Variants in DCDC2B observed in about 807,000 individuals in gnomAD.
The protein encoded by DCDC2B is doublecortin domain-containing protein 2B.
Under a neutral mutation model 38.9 loss-of-function variants are expected in DCDC2B, and 41 were observed. That is an observed-to-expected ratio of 1.05 (90% confidence interval 0.82 to 1.37). DCDC2B has a LOEUF of 1.37. DCDC2B is among the 40% of genes most tolerant of loss of function. DCDC2B has a pLI of 0.00. For missense variants in DCDC2B, 453 were observed against 427.2 expected, an observed-to-expected ratio of 1.06 and a Z score of -0.53; for synonymous variants, 181 against 171.9, an observed-to-expected ratio of 1.05 and a Z score of -0.41.
Position 32,215,470 on chromosome 1 carries a change from G to A in DCDC2B, c.881G>A (p.Arg294Gln), listed in dbSNP as rs375062766. 9.3e-6 allele frequency: 15 copies of A among 1,613,320 alleles called. No individual in the cohort carries two copies. Among genetic ancestry groups the A allele is most frequent in the African/African-American group, 5.3e-5 (4 of 74,914 alleles). Residue 294 changes from arginine (R) to glutamine (Q), a missense_variant, in exon 8 of 9, where the codon CGA becomes CAA. Transcript: ENST00000409358. Reference protein sequence around the residue: ...GVIGVYGAPHRRKETAGALEV... With the variant: ...GVIGVYGAPHQRKETAGALEV... ...ATAGGAGTATATGGAGCTCCCCACC[G>A]AAGGAAGGAGACAGCGGGGGCCCTG... is the stretch of plus-strand genomic sequence containing the variant.
In DCDC2B at chr1:32,212,105, T is replaced by G. The variant is rs369911405; in HGVS notation, c.431T>G (p.Phe144Cys). Reference sequence around the variant, plus strand: ...AATGGGGACCTGGTAAGTCCCCCATTTAGTCTGAAGCTGTCCCAGGCTGCC... The same window carrying G: ...AATGGGGACCTGGTAAGTCCCCCATGTAGTCTGAAGCTGTCCCAGGCTGCC... ...FRNGDLVSPP[F>C]SLKLSQAASQ... The change falls in exon 4 of 9, where the codon TTT becomes TGT. Residue 144 changes from phenylalanine (F) to cysteine (C), a missense_variant. Coordinates refer to ENST00000409358, the MANE Select transcript of DCDC2B (RefSeq NM_001099434.2). 32 of 1,613,948 alleles carry G rather than the reference T, an allele frequency of 2.0e-5. No individual in the cohort carries two copies. In the African/African-American group the frequency reaches 3.7e-4, roughly 19 times the overall value.
At chr1:32,214,530 G>A (rs1432298924) in intron 6 of DCDC2B, 3 of 464,500 alleles carry the variant, frequency 6.5e-6, no homozygotes, top group East Asian at 7.8e-5. Flanking sequence ...ATGAGCCAGT[G>A]AGCATGGGGC....
chr1:32,212,088 C>T lies in DCDC2B; in HGVS notation c.414C>T (p.Asp138=). 6.2e-7 allele frequency: 1 copy of T among 1,613,464 alleles called. No individual in the cohort carries two copies. Among genetic ancestry groups the T allele is most frequent in the Non-Finnish European group, 8.5e-7 (1 of 1,179,490 alleles). ...GTCTCAGTGTGTTCAGGAATGGGGA[C>T]CTGGTAAGTCCCCCATTTAGTCTGA... ...PSYIHVFRNG[D]LVSPPFSLKL... Residue 138 remains aspartate (D), a synonymous_variant, in exon 4 of 9, where the codon GAC becomes GAT. Transcript: ENST00000409358.
At chr1:32,212,398 C>T (rs1569755763) in intron 4 of DCDC2B, 92 bp from the exon 5 acceptor site, 1 of 1,564,078 alleles carries the variant, frequency 6.4e-7, no homozygotes, top group Non-Finnish European at 8.7e-7. Context: ...CCAGAGGGCA[C>T]CTTGGAATAG....
At chr1:32,211,978 A>AGTGT (rs1301645527) in intron 3 of DCDC2B, 92 bp from the exon 4 acceptor site, 1 of 1,545,248 alleles carries the variant, frequency 6.5e-7, no homozygotes, top group Non-Finnish European at 8.8e-7. Context: ...AAGAGAGACC[A>AGTGT]GTGTTATGGT....
intron 7 of DCDC2B, 184 bp from the exon 8 acceptor site, chr1:32,215,256 T>C: frequency 1.7e-6 from 1 of 592,320 alleles, no homozygotes; most frequent in South Asian, 2.3e-5. Context: ...ACTTCAGGGG[T>C]GGGATATAGA....
At chr1:32,209,406 G>A (rs139670831) in intron 1 of DCDC2B, 47 bp downstream of exon 1, 44 of 1,600,202 alleles carry the variant, frequency 2.7e-5, no homozygotes, top group East Asian at 2.7e-4. Flanking sequence ...GGAGGTAACG[G>A]CAAGAGCGTG....
At chr1:32,215,341 A>T in intron 7 of DCDC2B, 99 bp from the exon 8 acceptor site, 1 of 1,010,440 alleles carries the variant, frequency 9.9e-7, no homozygotes, top group Non-Finnish European at 1.4e-6. Context: ...ATGCAGAACC[A>T]GGTTCAGGGG....
intron 7 of DCDC2B, 117 bp downstream of exon 7, chr1:32,215,049 AC>A: frequency 7.4e-7 from 1 of 1,351,656 alleles, no homozygotes; most frequent in African/African-American, 1.6e-5. Flanking sequence ...CAAAGCCGGC[AC>A]TGGAAAAAAA....
In DCDC2B at chr1:32,212,943, T is replaced by G. The variant is rs1569762597; in HGVS notation, c.714+150T>G. 15 of 991,812 alleles carry G rather than the reference T, an allele frequency of 1.5e-5. No homozygotes were observed. The East Asian group carries it at 3.6e-4, about 24-fold the overall frequency. The allele number at this position is 991,812 out of a possible 1,614,324, so 61.4% of individuals were successfully genotyped here. On this transcript the variant is annotated intron_variant, in intron 6 of 8. Transcript: ENST00000409358. ...TCTTGCTCTGTAGTCCAGGCTGGAG[T>G]GCAGTGGCAGGATCTTGGCTCACTG...
intron 3 of DCDC2B, 102 bp from the exon 4 acceptor site, chr1:32,211,968 A>T (rs1002640719): frequency 6.5e-7 from 1 of 1,540,694 alleles, no homozygotes; most frequent in Non-Finnish European, 8.8e-7. Context: ...TTGATGGGTG[A>T]AGAGAGACCA....
chr1:32,215,765 CA>C, intron 8 of DCDC2B, 36 bp from the exon 9 acceptor site: 2 of 1,478,934 alleles, frequency 1.4e-6, no homozygotes, highest in South Asian at 2.5e-5. Flanking sequence ...TGGCCATACT[CA>C]CGGCTCCATT....
chr1:32,212,494 T>C lies in DCDC2B; in HGVS notation c.532T>C (p.Cys178Arg). 1.2e-6 allele frequency: 2 copies of C among 1,613,938 alleles called. No individual in the cohort carries two copies. The highest frequency in any genetic ancestry group is 1.7e-6 in the Non-Finnish European group (2 of 1,179,828). The change falls in exon 5 of 9, where the codon TGC becomes CGC. Residue 178 changes from cysteine to arginine, a missense_variant. Cys to Arg is a radical substitution (Grantham distance 180). Transcript: ENST00000409358. ...CTCCTCACCTCTCTCTCCCAGACTC[T>C]GCACCCTAGAGGGGCTCCCACTGTC... ...KLQSGAVCKL[C>R]TLEGLPLSAG...
chr1:32,215,753 G>C (rs1185725682), intron 8 of DCDC2B, 49 bp from the exon 9 acceptor site: 1 of 1,428,682 alleles, frequency 7.0e-7, no homozygotes, highest in Non-Finnish European at 9.5e-7. Flanking sequence ...AGAGCTGGAG[G>C]CTGGCCATAC....
At position 32,215,941 on chromosome 1, in the gene DCDC2B, C is replaced by T. The variant is rs1020709178; in HGVS notation, c.*44C>T. On this transcript the variant is annotated 3_prime_UTR_variant, in exon 9 of 9. Coordinates refer to ENST00000409358, the MANE Select transcript of DCDC2B (RefSeq NM_001099434.2). ...GGCAACTGGGGACCACTACTCTGGC[C>T]ACCTTTTGTCCTTAGCCTCCAGCAG... is the stretch of plus-strand genomic sequence containing the variant. The T allele has an allele frequency of 8.2e-6, 12 of 1,463,504 alleles. No homozygotes were observed. In the Admixed American group the frequency reaches 2.0e-4, roughly 24 times the overall value. The allele number at this position is 1,463,504 out of a possible 1,614,324, so 90.7% of individuals were successfully genotyped here.
At chr1:32,209,718 C>T (rs755342170) in intron 1 of DCDC2B, among the ~76,000 whole-genome samples, 1 of 152,184 alleles carries the variant, frequency 6.6e-6, no homozygotes, top group Admixed American at 6.5e-5. Flanking sequence ...ATCCATTCCT[C>T]CCCACTGTGC....
At position 32,212,622 on chromosome 1, in the gene DCDC2B, G is replaced by A; in HGVS notation, c.660G>A (p.Leu220=). The A allele has an allele frequency of 1.6e-5, 26 of 1,614,010 alleles. No homozygotes were observed. The highest frequency in any genetic ancestry group is 2.2e-5 in the Non-Finnish European group (26 of 1,179,892). ...YLELLVPSPS[L]PRGCWQPPGS... The stretch of plus-strand genomic sequence containing the variant: ...AGCTGCTGGTGCCCAGCCCCTCCCT[G>A]CCCAGGGGCTGCTGGTATGTATGTG... The change falls in exon 5 of 9, where the codon CTG becomes CTA. Residue 220 remains leucine (L), a synonymous_variant. Transcript: ENST00000409358.
chr1:32,214,626 C>A, intron 6 of DCDC2B, 171 bp from the exon 7 acceptor site: 1 of 895,620 alleles, frequency 1.1e-6, no homozygotes, highest in Non-Finnish European at 1.7e-6. Context: ...CTGGATAAGT[C>A]AGGCTGGTGG....
In DCDC2B at chr1:32,215,430, C is replaced by T; in HGVS notation, c.851-10C>T. The T allele has an allele frequency of 6.2e-7, 1 of 1,606,156 alleles. No individual in the cohort carries two copies. The highest frequency in any genetic ancestry group is 1.1e-5 in the South Asian group (1 of 90,296). The stretch of plus-strand genomic sequence containing the variant: ...CCTGGGCATCACCCAGTGCTGCCTC[C>T]CCTCTTTAGGAGTTATAGGAGTATA... On this transcript the variant is annotated splice_polypyrimidine_tract_variant and intron_variant, in intron 7 of 8. Coordinates refer to ENST00000409358, the MANE Select transcript of DCDC2B (RefSeq NM_001099434.2).
Sources: gnomAD v4.1 joint callset for allele counts (sites outside exome capture counted in the v4.1 genomes callset) on GRCh38, gnomAD v4.1.1 for gene constraint, MANE v1.5 for transcripts, NCBI Gene and HGNC (gene_info 2026-07-23, HGNC 2026-07-21) for gene names.